Variants in MGRN1 observed in about 807,000 individuals in gnomAD.
The protein encoded by MGRN1 is mahogunin ring finger 1.
Under a neutral mutation model 69.2 loss-of-function variants are expected in MGRN1, and 29 were observed. The ratio of observed to expected loss-of-function variants is 0.42; its 90% CI spans 0.31 to 0.57. The LOEUF (loss-of-function observed/expected upper bound fraction) is 0.57, where lower values mean the gene tolerates loss of function less well. Among genes scored for constraint, MGRN1 ranks in the 20% least tolerant of loss-of-function variants. The pLI is 0.15. For missense variants in MGRN1, 998 were observed against 796.2 expected, an observed-to-expected ratio of 1.25 and a Z score of -3.05; for synonymous variants, 470 against 344.2, an observed-to-expected ratio of 1.37 and a Z score of -4.04.
chr16:4,682,833 TC>T lies in MGRN1; in HGVS notation c.1373del (p.Pro458ArgfsTer40). ...CTCCTCTGTCCCCAGCACCCTACGG[TC>T]CCCGTCTTCCCCCATCCACGAAGAG... ...QSKAPDSTLR[S>X]PSSPIHEEDE... On this transcript the variant is annotated frameshift_variant, in exon 14 of 17. Coordinates refer to ENST00000262370, the MANE Select transcript of MGRN1 (RefSeq NM_015246.4). LOFTEE classifies it high-confidence loss of function. 6.3e-7 allele frequency: 1 copy of T among 1,589,552 alleles called. No individual in the cohort carries two copies. The highest frequency in any genetic ancestry group is 2.3e-5 in the East Asian group (1 of 44,206).
intron 1 of MGRN1, among the ~76,000 whole-genome samples, chr16:4,643,444 A>G (rs1047728295): frequency 8.0e-6 from 1 of 124,498 alleles, no homozygotes; most frequent in Non-Finnish European, 1.6e-5. Context: ...AGTCTCCCTC[A>G]CTGCAACCTC....
chr16:4,624,978 C>T lies in MGRN1; in HGVS notation c.18C>T (p.Ser6=), dbSNP rs749967345. 7 of 1,555,392 alleles carry T rather than the reference C, an allele frequency of 4.5e-6. No individual in the cohort carries two copies. The Admixed American group carries it at 9.4e-5, about 21-fold the overall frequency. The change falls in exon 1 of 17, where the codon AGC becomes AGT. Residue 6 remains serine (S), a synonymous_variant. Transcript: ENST00000262370. ...CGCGCACCATGGGCTCCATTCTCAGCCGCCGCATCGCGGGGGTGGAGGACA... is the reference window on the plus strand; with the variant it reads ...CGCGCACCATGGGCTCCATTCTCAGTCGCCGCATCGCGGGGGTGGAGGACA... MGSIL[S]RRIAGVEDID...
intron 5 of MGRN1, chr16:4,664,324 C>G (rs2078750730): frequency 3.4e-6 from 1 of 295,208 alleles, no homozygotes; most frequent in South Asian, 4.1e-5. Context: ...TCCCTGGAGA[C>G]AGGAAGCACA....
At chr16:4,651,331 C>T (rs2078402322) in intron 2 of MGRN1, among the ~76,000 whole-genome samples, 1 of 152,186 alleles carries the variant, frequency 6.6e-6, no homozygotes, top group African/African-American at 2.4e-5. Flanking sequence ...TGAAAGCAGA[C>T]CCTGCCTCTG....
intron 2 of MGRN1, 185 bp downstream of exon 2, chr16:4,650,668 C>G: frequency 4.2e-6 from 2 of 481,134 alleles, no homozygotes; most frequent in Non-Finnish European, 7.3e-6. Context: ...TGTCCTGGTG[C>G]TGCCCCCTAG....
intron 16 of MGRN1, among the ~76,000 whole-genome samples, chr16:4,685,954 G>C (rs932428335): frequency 3.3e-5 from 5 of 152,166 alleles, no homozygotes; most frequent in African/African-American, 1.2e-4. Flanking sequence ...CCCCCACCCA[G>C]GGCCTTCACT....
rs147601912 is a variant in MGRN1, at chr16:4,664,391, C to T, written c.562-318C>T. On this transcript the variant is annotated intron_variant, in intron 5 of 16. Transcript: ENST00000262370. ...GGGAGTGTGTGGGTGCTGATGGCTACGTGTGGGGTTTCCGTTTGGGGTGAT... is the reference window on the plus strand; with the variant it reads ...GGGAGTGTGTGGGTGCTGATGGCTATGTGTGGGGTTTCCGTTTGGGGTGAT... 6.3e-4 allele frequency: 252 copies of T among 402,076 alleles called. 1 individual carries two copies. Among genetic ancestry groups the T allele is most frequent in the African/African-American group, 4.5e-3 (223 of 49,444 alleles). 24.9% of individuals were successfully genotyped at this position (402,076 alleles called of 1,614,324 possible).
chr16:4,627,704 T>G (rs1295750250), intron 1 of MGRN1, among the ~76,000 whole-genome samples: 2 of 151,356 alleles, frequency 1.3e-5, no homozygotes, highest in African/African-American at 4.9e-5. Flanking sequence ...CAGGCTGAAT[T>G]GCTTGAAGCT....
At chr16:4,639,243 C>T (rs936126745) in intron 1 of MGRN1, among the ~76,000 whole-genome samples, 1 of 152,022 alleles carries the variant, frequency 6.6e-6, no homozygotes, top group African/African-American at 2.4e-5. Flanking sequence ...AACAGGTACA[C>T]GAGATAAAGC....
chr16:4,627,623 TA>T (rs755767094), intron 1 of MGRN1, among the ~76,000 whole-genome samples: 22 of 141,750 alleles, frequency 1.6e-4, no homozygotes, highest in Non-Finnish European at 2.9e-4. Flanking sequence ...CCGTCTCTAC[TA>T]AAAATACAAA....
intron 9 of MGRN1, 91 bp downstream of exon 9, chr16:4,671,550 G>C: frequency 2.4e-6 from 3 of 1,225,872 alleles, no homozygotes; most frequent in Non-Finnish European, 3.6e-6. Context: ...TCCCTTCCAT[G>C]CCTTCCCCTG....
intron 1 of MGRN1, 147 bp downstream of exon 1, chr16:4,625,195 C>G: frequency 1.4e-6 from 1 of 712,890 alleles, no homozygotes. Context: ...GGCCCCACGG[C>G]CCCGATCCCT....
chr16:4,652,173 G>A (rs183979980), intron 3 of MGRN1, 122 bp downstream of exon 3: 30 of 873,742 alleles, frequency 3.4e-5, no homozygotes, highest in South Asian at 7.9e-5. Context: ...GCGCCCTCCC[G>A]TGTGGAATGA....
At position 4,681,724 on chromosome 16, in the gene MGRN1, A is replaced by T; in HGVS notation, c.1306A>T (p.Ile436Phe). 1 of 1,612,962 alleles carries T rather than the reference A, an allele frequency of 6.2e-7. No individual in the cohort carries two copies. The highest frequency in any genetic ancestry group is 8.5e-7 in the Non-Finnish European group (1 of 1,179,850). The change falls in exon 13 of 17, where the codon ATC becomes TTC. Residue 436 changes from isoleucine (I) to phenylalanine (F), a missense_variant. Ile to Phe is a conservative substitution (Grantham distance 21). Transcript: ENST00000262370. ...CTGTCCCCTCGCGGCTATCGACCAC[A>T]TCCTGGACAGCAGCCGCCAGAAGGG... ...ASCPLAAIDHILDSSRQKGRP... is the reference protein window; with the variant it reads ...ASCPLAAIDHFLDSSRQKGRP...
intron 12 of MGRN1, 32 bp downstream of exon 12, chr16:4,680,129 T>A (rs539216901): frequency 6.2e-7 from 1 of 1,607,362 alleles, no homozygotes; most frequent in East Asian, 2.2e-5. Flanking sequence ...TACGTTTTTT[T>A]GCCCCCGCCC....
chr16:4,668,201 C>A, intron 7 of MGRN1, 64 bp from the exon 8 acceptor site: 1 of 1,477,404 alleles, frequency 6.8e-7, no homozygotes, highest in Non-Finnish European at 9.2e-7. Flanking sequence ...CCCAGGCGGC[C>A]ACGCAGGGGT....
intron 16 of MGRN1, chr16:4,687,689 G>A: frequency 5.1e-6 from 5 of 985,398 alleles, no homozygotes; most frequent in Non-Finnish European, 6.0e-6. Flanking sequence ...TTCCCAGAGG[G>A]TCTTGGCACA....
Position 4,686,822 on chromosome 16 carries a change from G to A in MGRN1, c.1619-1974G>A, listed in dbSNP as rs139266385. ...TAGGACGCTCAGCAGGTCCACTCCC[G>A]TGTTCCGGTCGTGGCTTTAACAATT... On this transcript the variant is annotated intron_variant, in intron 16 of 16. Coordinates refer to ENST00000262370, the MANE Select transcript of MGRN1 (RefSeq NM_015246.4). 1.0e-3 allele frequency: 1,012 copies of A among 987,182 alleles called. 9 individuals carry two copies. In the African/African-American group the frequency reaches 0.015, roughly 14 times the overall value. 61.2% of individuals were successfully genotyped at this position (987,182 alleles called of 1,614,324 possible).
At chr16:4,687,731 C>A in intron 16 of MGRN1, 1 of 985,518 alleles carries the variant, frequency 1.0e-6, no homozygotes, top group Non-Finnish European at 1.2e-6. Context: ...CTGCCGAGGC[C>A]CATGCAGCCT....
Sources: allele counts gnomAD v4.1 joint callset (sites outside exome capture counted in the v4.1 genomes callset), GRCh38; gene constraint gnomAD v4.1.1; transcripts MANE v1.5; gene names NCBI Gene and HGNC (gene_info 2026-07-23, HGNC 2026-07-21).